The following ANK2 variants were observed in gnomAD, a reference collection of about 807,000 sequenced individuals.
ANK2 encodes the protein ankyrin-2.
Under a neutral mutation model 360.5 loss-of-function variants are expected in ANK2, and 83 were observed. The observed-to-expected ratio is 0.23, with a 90% CI of 0.19 to 0.28. ANK2 has a LOEUF of 0.28. Among genes scored for constraint, ANK2 ranks in the 10% least tolerant of loss-of-function variants. ANK2 has a pLI of 1.00. For synonymous variants in ANK2, 1,740 were observed against 1,759.5 expected, an observed-to-expected ratio of 0.99 and a Z score of 0.28; for missense variants, 4,201 against 4,795.7, an observed-to-expected ratio of 0.88 and a Z score of 3.66.
intron 2 of ANK2, among the ~76,000 whole-genome samples, chr4:112,907,874 G>A (rs143109423): frequency 2.0e-5 from 3 of 152,082 alleles, no homozygotes; most frequent in African/African-American, 4.8e-5. Flanking sequence ...ACCAAAGTTC[G>A]TTAATGTGGA....
chr4:112,875,893 C>T (rs1444451264), intron 1 of ANK2, among the ~76,000 whole-genome samples: 1 of 151,622 alleles, frequency 6.6e-6, no homozygotes, highest in African/African-American at 2.4e-5. Flanking sequence ...ATGAGCGGAT[C>T]ACCCTCCCTG....
intron 1 of ANK2, among the ~76,000 whole-genome samples, chr4:112,861,839 C>CAGACAGAGAGAG (rs1553951298): frequency 4.8e-4 from 67 of 140,508 alleles, no homozygotes; most frequent in Non-Finnish European, 8.1e-4. Flanking sequence ...TACATAGAGA[C>CAGACAGAGAGAG]AGAGAGAGAG....
At position 112,869,824 on chromosome 4, in the gene ANK2, A is replaced by G. The variant is rs148744209; in HGVS notation, c.-39-34631A>G. On this transcript the variant is annotated intron_variant, in intron 1 of 30. Coordinates refer to the ANK2 transcript ENST00000503271. Reference sequence around the variant, plus strand: ...CAGCCTCCTAAGTAGCTGGGACTACAGTCATGTGCCACCATGCCTGGCTAA... The same window carrying G: ...CAGCCTCCTAAGTAGCTGGGACTACGGTCATGTGCCACCATGCCTGGCTAA... Among the ~76,000 whole-genome samples, 1,331 of 152,192 alleles carry G rather than the reference A, an allele frequency of 8.7e-3. 16 individuals carry two copies. The highest frequency in any genetic ancestry group is 0.03 in the African/African-American group (1,256 of 41,532).
intron 1 of ANK2, among the ~76,000 whole-genome samples, chr4:112,890,317 C>T (rs1452593448): frequency 6.6e-6 from 1 of 152,146 alleles, no homozygotes; most frequent in African/African-American, 2.4e-5. Context: ...CTTGGCTCCT[C>T]AGTCTTTGAA....
At chr4:113,374,211 A>G (rs555893063) in intron 45 of ANK2, among the ~76,000 whole-genome samples, 1 of 152,368 alleles carries the variant, frequency 6.6e-6, no homozygotes, top group Admixed American at 6.5e-5. Flanking sequence ...GGCATGAGCC[A>G]CTGCACCTGG....
At chr4:112,866,214 T>C (rs560754540) in intron 1 of ANK2, among the ~76,000 whole-genome samples, 2 of 152,324 alleles carry the variant, frequency 1.3e-5, no homozygotes, top group African/African-American at 2.4e-5. Flanking sequence ...TATGTCCTCC[T>C]ATCTCCTGCA....
intron 4 of ANK2, chr4:113,217,019 A>G (rs989341345): frequency 3.9e-5 from 6 of 152,202 alleles, no homozygotes; most frequent in African/African-American, 1.4e-4. Context: ...GCCACATCAT[A>G]TGCTAATCAG....
chr4:112,782,193 A>G, the ANK2 span, among the ~76,000 whole-genome samples: 1 of 152,198 alleles, frequency 6.6e-6, no homozygotes, highest in Admixed American at 6.5e-5. Context: ...GATAAAATCT[A>G]GGATTTTTTT....
chr4:113,231,916 C>T (rs1465629672), intron 4 of ANK2, among the ~76,000 whole-genome samples: 5 of 152,108 alleles, frequency 3.3e-5, no homozygotes, highest in East Asian at 1.9e-4. Context: ...ATATCTTTTA[C>T]GCAGTGTTAG....
intron 22 of ANK2, among the ~76,000 whole-genome samples, chr4:113,300,685 G>T (rs2074495872): frequency 6.6e-6 from 1 of 152,226 alleles, no homozygotes; most frequent in South Asian, 2.1e-4. Context: ...AGAGGGGAAA[G>T]AAGATTTCTG....
chr4:113,158,038 G>C (rs979817673), intron 1 of ANK2, among the ~76,000 whole-genome samples: 1 of 152,222 alleles, frequency 6.6e-6, no homozygotes, highest in Admixed American at 6.5e-5. Flanking sequence ...CAGTCTAGTT[G>C]AATAGCCAGA....
At chr4:113,180,269 C>T (rs193187471) in intron 2 of ANK2, among the ~76,000 whole-genome samples, 64 of 152,304 alleles carry the variant, frequency 4.2e-4, no homozygotes, top group Middle Eastern at 6.8e-3. Flanking sequence ...GAGTGACCCT[C>T]GGCAGTCAGC....
At chr4:113,373,200 T>A (rs2154073782) in intron 44 of ANK2, 27 bp downstream of exon 44, 1 of 1,611,398 alleles carries the variant, frequency 6.2e-7, no homozygotes, top group Non-Finnish European at 8.5e-7. Context: ...CCTAACAGGG[T>A]TGATTACAAA....
intron 1 of ANK2, among the ~76,000 whole-genome samples, chr4:112,821,341 A>G (rs969593645): frequency 6.6e-6 from 1 of 152,096 alleles, no homozygotes; most frequent in Non-Finnish European, 1.5e-5. Flanking sequence ...GCACCATCAC[A>G]CCTAGTTCAG....
At chr4:112,810,970 C>G in the ANK2 span, among the ~76,000 whole-genome samples, 1 of 138,492 alleles carries the variant, frequency 7.2e-6, no homozygotes, top group Non-Finnish European at 1.5e-5. Flanking sequence ...GAGTCTTGCT[C>G]TGTCGCCCAG....
the ANK2 span, among the ~76,000 whole-genome samples, chr4:112,733,983 C>T: frequency 5.9e-4 from 90 of 152,314 alleles, 2 homozygotes; most frequent in African/African-American, 2.2e-3. Flanking sequence ...CCATGTTGGC[C>T]AGGCTGGTCT....
the ANK2 span, among the ~76,000 whole-genome samples, chr4:112,760,808 CT>C: frequency 1.5e-3 from 204 of 138,266 alleles, no homozygotes; most frequent in Admixed American, 2.2e-3. Flanking sequence ...TCTTCTTCTT[CT>C]TTTTTTTTTT....
At chr4:113,268,607 C>T (rs534553468) in intron 14 of ANK2, among the ~76,000 whole-genome samples, 8 of 152,160 alleles carry the variant, frequency 5.3e-5, no homozygotes, top group Admixed American at 2.6e-4. Flanking sequence ...CTGACTTGAT[C>T]GTGGTGGATA....
At chr4:113,239,482 G>A (rs2153564315) in intron 7 of ANK2, among the ~76,000 whole-genome samples, 1 of 152,232 alleles carries the variant, frequency 6.6e-6, no homozygotes, top group Non-Finnish European at 1.5e-5. Context: ...AAAAACTGCA[G>A]GATGTGATAG....
Sources: gnomAD v4.1 joint callset for allele counts (sites outside exome capture counted in the v4.1 genomes callset) on GRCh38, gnomAD v4.1.1 for gene constraint, MANE v1.5 for transcripts, NCBI Gene and HGNC (gene_info 2026-07-23, HGNC 2026-07-21) for gene names.